Variants in ACTR3C observed in about 807,000 individuals in gnomAD.
ACTR3C encodes the protein actin related protein 3C.
In ACTR3C, 18 loss-of-function variants were observed where a neutral mutation model predicts 26.3. That is an observed-to-expected ratio of 0.68 (90% CI 0.47 to 1.01). The LOEUF is 1.01. ACTR3C is among the 50% of genes least tolerant of loss of function. The probability of loss-of-function intolerance (pLI) is 0.00; values close to 1 mark genes in which losing one functional copy is unlikely to be tolerated. For synonymous variants in ACTR3C, 55 were observed against 94.5 expected (o/e 0.58, Z 2.42); for missense variants, 184 against 250.7 (o/e 0.73, Z 1.80).
At chr7:150,316,683 A>T (rs894132558) in intron 1 of ACTR3C, among the ~76,000 whole-genome samples, 1 of 151,864 alleles carries the variant, frequency 6.6e-6, no homozygotes. Context: ...ACGGGGTTTC[A>T]CCATGTTGGC....
chr7:150,041,849 G>A, the ACTR3C span, among the ~76,000 whole-genome samples: 29 of 132,114 alleles, frequency 2.2e-4, no homozygotes, highest in South Asian at 2.7e-3. Flanking sequence ...AGAGGGGATA[G>A]CTCTCAGTCC....
At chr7:150,282,046 C>T (rs1050408055) in intron 6 of ACTR3C, among the ~76,000 whole-genome samples, 23 of 143,886 alleles carry the variant, frequency 1.6e-4, no homozygotes, top group Non-Finnish European at 2.7e-4. Context: ...CAATATTAAA[C>T]TTCAACTTAG....
At chr7:150,306,201 C>T (rs1795798291) in intron 1 of ACTR3C, among the ~76,000 whole-genome samples, 1 of 152,078 alleles carries the variant, frequency 6.6e-6, no homozygotes, top group African/African-American at 2.4e-5. Context: ...CCTCCAATTC[C>T]ATCCTGGCAA....
the ACTR3C span, among the ~76,000 whole-genome samples, chr7:149,941,064 G>A: frequency 0.43 from 65,889 of 151,916 alleles, 15,847 homozygotes; most frequent in Non-Finnish European, 0.54. Context: ...TTAAAGCCAC[G>A]ACCTTCTGTC....
chr7:150,195,834 G>A, the ACTR3C span, among the ~76,000 whole-genome samples: 6 of 152,318 alleles, frequency 3.9e-5, no homozygotes, highest in African/African-American at 9.6e-5. Context: ...AGGCAAGATC[G>A]TGCCATTGCA....
the ACTR3C span, among the ~76,000 whole-genome samples, chr7:150,036,077 G>GAT: frequency 1.6e-5 from 1 of 62,272 alleles, no homozygotes; most frequent in Non-Finnish European, 3.9e-5. Context: ...GTCGCGAGGG[G>GAT]TGCTCCCCCC....
At chr7:150,195,997 G>T in the ACTR3C span, among the ~76,000 whole-genome samples, 1 of 152,112 alleles carries the variant, frequency 6.6e-6, no homozygotes, top group Non-Finnish European at 1.5e-5. Flanking sequence ...TTTTCCCTGT[G>T]GGTGCCTTTG....
the ACTR3C span, among the ~76,000 whole-genome samples, chr7:149,973,144 G>C: frequency 7.4e-4 from 112 of 152,298 alleles, no homozygotes; most frequent in African/African-American, 2.6e-3. Context: ...ATTTGTCCCA[G>C]GTAAGCCCTG....
chr7:149,983,703 A>G, the ACTR3C span, among the ~76,000 whole-genome samples: 1 of 151,800 alleles, frequency 6.6e-6, no homozygotes, highest in African/African-American at 2.4e-5. Flanking sequence ...TATTCATAAT[A>G]GCCCAAATGT....
chr7:149,960,727 T>A, the ACTR3C span, among the ~76,000 whole-genome samples: 1 of 150,906 alleles, frequency 6.6e-6, no homozygotes, highest in East Asian at 2.0e-4. Flanking sequence ...GGGAGGCCAG[T>A]GGTATTTAGG....
chr7:150,291,861 G>A (rs1173210569), intron 3 of ACTR3C, among the ~76,000 whole-genome samples: 1 of 151,558 alleles, frequency 6.6e-6, no homozygotes, highest in Non-Finnish European at 1.5e-5. Flanking sequence ...CTTGAAGGGG[G>A]CTCAAGTCTA....
At chr7:150,037,980 T>G in the ACTR3C span, among the ~76,000 whole-genome samples, 65 of 133,548 alleles carry the variant, frequency 4.9e-4, no homozygotes, top group Non-Finnish European at 6.9e-4. Flanking sequence ...AGGGGGAGGT[T>G]CGCAGTCCCC....
the ACTR3C span, among the ~76,000 whole-genome samples, chr7:150,093,636 T>C: frequency 6.6e-5 from 10 of 150,978 alleles, no homozygotes; most frequent in South Asian, 4.1e-4. Context: ...ACCCATAGCA[T>C]GACTAGGCTC....
the ACTR3C span, among the ~76,000 whole-genome samples, chr7:149,900,278 C>A: frequency 6.6e-6 from 1 of 151,992 alleles, no homozygotes; most frequent in Non-Finnish European, 1.5e-5. Context: ...CGGGTTTAAG[C>A]GATTCTCCTG....
the ACTR3C span, among the ~76,000 whole-genome samples, chr7:150,178,053 C>T: frequency 6.0e-5 from 9 of 150,634 alleles, no homozygotes; most frequent in Non-Finnish European, 1.0e-4. Flanking sequence ...ATAACATTTA[C>T]AAAAACACAC....
At chr7:149,965,646 C>T in the ACTR3C span, among the ~76,000 whole-genome samples, 1 of 152,196 alleles carries the variant, frequency 6.6e-6, no homozygotes, top group Admixed American at 6.5e-5. Flanking sequence ...TCACAACTGA[C>T]GTTCCTGGAA....
At chr7:150,185,274 GGCGTGTGTGT>G in the ACTR3C span, among the ~76,000 whole-genome samples, 6,000 of 123,892 alleles carry the variant, frequency 0.048, 131 homozygotes, top group East Asian at 0.18. Context: ...TTAAATGTCA[GGCGTGTGTGT>G]GTGTGTGTGT....
At chr7:149,925,886 A>C in the ACTR3C span, among the ~76,000 whole-genome samples, 2 of 152,026 alleles carry the variant, frequency 1.3e-5, no homozygotes, top group African/African-American at 4.8e-5. Context: ...ATATGGTGAA[A>C]CCCCCTTCTC....
the ACTR3C span, among the ~76,000 whole-genome samples, chr7:149,958,665 A>G: frequency 2.0e-5 from 3 of 152,256 alleles, no homozygotes; most frequent in Admixed American, 6.5e-5. Flanking sequence ...CACGTAAAAC[A>G]TCTTGGCTGT....
Sources: gnomAD v4.1 joint callset for allele counts (sites outside exome capture counted in the v4.1 genomes callset) on GRCh38, gnomAD v4.1.1 for gene constraint, MANE v1.5 for transcripts, NCBI Gene and HGNC (gene_info 2026-07-23, HGNC 2026-07-21) for gene names.